Variants in PDE1C observed in about 807,000 individuals in gnomAD.
The protein encoded by PDE1C is phosphodiesterase 1C.
Under a neutral mutation model 93.1 loss-of-function variants are expected in PDE1C, and 62 were observed. That is an observed-to-expected ratio of 0.67 (90% CI 0.54 to 0.82). The LOEUF (loss-of-function observed/expected upper bound fraction) is 0.82, where lower values mean the gene tolerates loss of function less well. PDE1C is among the 40% of genes least tolerant of loss of function. PDE1C has a pLI of 0.00. For missense variants in PDE1C, 742 were observed against 884.6 expected (o/e 0.84, Z 2.04); for synonymous variants, 325 against 310.1 (o/e 1.05, Z -0.50).
At chr7:31,703,057 AG>A in the PDE1C span, among the ~76,000 whole-genome samples, 2 of 152,330 alleles carry the variant, frequency 1.3e-5, no homozygotes, top group Admixed American at 6.5e-5. Flanking sequence ...AAACTGTAAA[AG>A]CTTTCTTCAT....
intron 1 of PDE1C, among the ~76,000 whole-genome samples, chr7:32,295,945 G>C (rs1289746298): frequency 1.3e-5 from 2 of 148,246 alleles, no homozygotes; most frequent in East Asian, 4.0e-4. Flanking sequence ...CAAAGATTTA[G>C]TTTTTTATCA....
At chr7:32,339,371 C>G (rs1783700915) in intron 1 of PDE1C, among the ~76,000 whole-genome samples, 1 of 152,038 alleles carries the variant, frequency 6.6e-6, no homozygotes, top group Admixed American at 6.6e-5. Flanking sequence ...TACGACGGAG[C>G]TGTTGTTTAA....
At chr7:32,336,004 A>G (rs1277256705) in intron 1 of PDE1C, among the ~76,000 whole-genome samples, 1 of 152,260 alleles carries the variant, frequency 6.6e-6, no homozygotes, top group Middle Eastern at 3.4e-3. Context: ...TTACCTTTTT[A>G]AAGACCCTAT....
At chr7:31,950,388 C>G (rs111606550) in intron 2 of PDE1C, among the ~76,000 whole-genome samples, 1 of 152,256 alleles carries the variant, frequency 6.6e-6, no homozygotes, top group African/African-American at 2.4e-5. Flanking sequence ...AATGAGCACA[C>G]CTCCAAAGAC....
intron 1 of PDE1C, among the ~76,000 whole-genome samples, chr7:32,380,404 ATT>A (rs55965828): frequency 1.0e-4 from 14 of 137,284 alleles, no homozygotes; most frequent in Middle Eastern, 3.6e-3. Context: ...TGCCCGGCTA[ATT>A]TTTTTTTTTT....
chr7:31,832,812 T>C (rs1042868856), intron 11 of PDE1C, among the ~76,000 whole-genome samples: 1 of 152,194 alleles, frequency 6.6e-6, no homozygotes, highest in African/African-American at 2.4e-5. Flanking sequence ...GCAAACAAGT[T>C]TTCCTTTACG....
the PDE1C span, among the ~76,000 whole-genome samples, chr7:31,727,074 G>C: frequency 6.6e-6 from 1 of 152,096 alleles, no homozygotes; most frequent in Non-Finnish European, 1.5e-5. Context: ...AAGATGCTCA[G>C]TCTTAGAATT....
chr7:32,027,132 G>T (rs1041948030), intron 2 of PDE1C, among the ~76,000 whole-genome samples: 2 of 152,062 alleles, frequency 1.3e-5, no homozygotes, highest in Non-Finnish European at 2.9e-5. Context: ...GAATGTACAT[G>T]ACCCAAAGTG....
intron 1 of PDE1C, among the ~76,000 whole-genome samples, chr7:32,253,190 C>T (rs1442983039): frequency 6.6e-6 from 1 of 152,126 alleles, no homozygotes; most frequent in Non-Finnish European, 1.5e-5. Context: ...GCATCAACAT[C>T]TATTATAAAG....
intron 17 of PDE1C, among the ~76,000 whole-genome samples, chr7:31,754,631 T>G (rs1257213976): frequency 6.6e-6 from 1 of 152,178 alleles, no homozygotes; most frequent in Non-Finnish European, 1.5e-5. Flanking sequence ...GTGAAAGAAG[T>G]CAGTCTGTAA....
At chr7:32,184,351 G>A (rs1371823260) in intron 2 of PDE1C, among the ~76,000 whole-genome samples, 2 of 152,116 alleles carry the variant, frequency 1.3e-5, no homozygotes, top group South Asian at 2.1e-4. Flanking sequence ...ATGCACACAC[G>A]TATGTTTATT....
At chr7:31,686,214 G>A in the PDE1C span, among the ~76,000 whole-genome samples, 1 of 152,192 alleles carries the variant, frequency 6.6e-6, no homozygotes, top group Non-Finnish European at 1.5e-5. Context: ...AGCCCTTCTA[G>A]TGGGTCCTGA....
chr7:32,054,966 G>GC (rs1793869549), intron 1 of PDE1C, among the ~76,000 whole-genome samples: 1 of 151,900 alleles, frequency 6.6e-6, no homozygotes, highest in South Asian at 2.1e-4. Flanking sequence ...ACCTTCTAGG[G>GC]CCCCCCAAAC....
At chr7:32,270,291 CT>C (rs879266048) in intron 1 of PDE1C, among the ~76,000 whole-genome samples, 117 of 142,888 alleles carry the variant, frequency 8.2e-4, no homozygotes, top group Middle Eastern at 7.1e-3. Flanking sequence ...TTCCTTCTTT[CT>C]TTTTTTTTTT....
intron 2 of PDE1C, among the ~76,000 whole-genome samples, chr7:31,955,976 C>G (rs561658779): frequency 1.3e-5 from 2 of 152,354 alleles, no homozygotes; most frequent in African/African-American, 4.8e-5. Flanking sequence ...CGGTGACCCT[C>G]TCTGAAGTTC....
upstream of PDE1C, among the ~76,000 whole-genome samples, chr7:32,303,961 C>T (rs1443354772): frequency 6.6e-6 from 1 of 152,016 alleles, no homozygotes; most frequent in Non-Finnish European, 1.5e-5. Flanking sequence ...TTTATCATAG[C>T]CTTTGAAGTT....
upstream of PDE1C, among the ~76,000 whole-genome samples, chr7:32,075,088 C>T (rs1796277227): frequency 6.6e-6 from 1 of 152,208 alleles, no homozygotes; most frequent in African/African-American, 2.4e-5. Flanking sequence ...GAGCATGCAA[C>T]AACTATGGTG....
chr7:31,827,718 T>C (rs1201340881), intron 12 of PDE1C, among the ~76,000 whole-genome samples: 1 of 152,152 alleles, frequency 6.6e-6, no homozygotes, highest in Non-Finnish European at 1.5e-5. Context: ...GATAGGGCAC[T>C]GGTGTCCTCT....
At chr7:32,127,308 A>G (rs897629727) in intron 3 of PDE1C, among the ~76,000 whole-genome samples, 10 of 152,042 alleles carry the variant, frequency 6.6e-5, no homozygotes, top group Non-Finnish European at 1.2e-4. Context: ...ATTTGCATAA[A>G]TATACGTCCT....
Sources: allele counts gnomAD v4.1 joint callset (sites outside exome capture counted in the v4.1 genomes callset), GRCh38; gene constraint gnomAD v4.1.1; transcripts MANE v1.5; gene names NCBI Gene and HGNC (gene_info 2026-07-23, HGNC 2026-07-21).